Variants in OR3A2 observed in about 807,000 individuals in gnomAD.
The protein encoded by OR3A2 is olfactory receptor family 3 subfamily A member 2.
For synonymous variants in OR3A2, 126 were observed against 159.3 expected (o/e 0.79, Z 1.57); for missense variants, 318 against 392.8 (o/e 0.81, Z 1.61).
intron 2 of OR3A2, among the ~76,000 whole-genome samples, chr17:3,378,928 C>G (rs1489143811): frequency 1.3e-5 from 2 of 152,144 alleles, no homozygotes; most frequent in African/African-American, 4.8e-5. Context: ...TTTATACCCT[C>G]AAACATGAAA....
At chr17:3,351,152 C>T (rs2049416968) in intron 2 of OR3A2, among the ~76,000 whole-genome samples, 1 of 150,678 alleles carries the variant, frequency 6.6e-6, no homozygotes, top group Admixed American at 6.7e-5. Context: ...CTCACCACTC[C>T]TATTCAACAG....
At chr17:3,349,839 A>G (rs2049403817) in intron 2 of OR3A2, among the ~76,000 whole-genome samples, 1 of 152,144 alleles carries the variant, frequency 6.6e-6, no homozygotes, top group South Asian at 2.1e-4. Flanking sequence ...TATCTCTCAG[A>G]CCACAGTGCA....
chr17:3,370,491 T>C (rs1356489260), intron 2 of OR3A2, among the ~76,000 whole-genome samples: 2 of 152,234 alleles, frequency 1.3e-5, no homozygotes, highest in Non-Finnish European at 2.9e-5. Context: ...GTTTCATTTA[T>C]CTTTTGTATT....
chr17:3,359,787 G>T (rs537384887), intron 2 of OR3A2, among the ~76,000 whole-genome samples: 1 of 151,524 alleles, frequency 6.6e-6, no homozygotes, highest in African/African-American at 2.4e-5. Context: ...TCCATGGTGT[G>T]TATGTGCCAC....
intron 2 of OR3A2, among the ~76,000 whole-genome samples, chr17:3,356,557 GA>G (rs1192053238): frequency 6.6e-6 from 1 of 151,304 alleles, no homozygotes; most frequent in Non-Finnish European, 1.5e-5. Context: ...AAACCATGAA[GA>G]AATCCAAAAC....
Position 3,311,365 on chromosome 17 carries a change from C to T in OR3A2, c.-85+24668G>A. On this transcript the variant is annotated intron_variant, in intron 3 of 4. Coordinates refer to the OR3A2 transcript ENST00000573491. The surrounding 1 kb of genome is among the most constrained non-coding windows in gnomAD (Gnocchi z 4.6). The stretch of plus-strand genomic sequence containing the variant: ...AATAGCCATGGCCTATGACCGCTAC[C>T]TGGCTATCTGTCAGCTTCTCACCAA... 1 of 527,104 alleles carries T rather than the reference C, an allele frequency of 1.9e-6. No homozygotes were observed. The highest frequency in any genetic ancestry group is 3.9e-6 in the Non-Finnish European group (1 of 254,396). 32.7% of individuals were successfully genotyped at this position (527,104 alleles called of 1,614,324 possible).
intron 1 of OR3A2, among the ~76,000 whole-genome samples, chr17:3,281,570 C>T (rs375040624): frequency 6.6e-6 from 1 of 152,120 alleles, no homozygotes; most frequent in Non-Finnish European, 1.5e-5. Flanking sequence ...CTGATCACTG[C>T]TGTCTTAGCA....
At chr17:3,372,259 A>G (rs1224723698) in intron 2 of OR3A2, among the ~76,000 whole-genome samples, 2 of 146,356 alleles carry the variant, frequency 1.4e-5, no homozygotes, top group Non-Finnish European at 3.0e-5. Context: ...CACTTCCTAG[A>G]TGGGATGGCG....
At chr17:3,336,792 A>G (rs1473013423) in intron 2 of OR3A2, among the ~76,000 whole-genome samples, 1 of 152,204 alleles carries the variant, frequency 6.6e-6, no homozygotes, top group Non-Finnish European at 1.5e-5. Flanking sequence ...GAAATTGGGT[A>G]TCATTTTTTA....
chr17:3,367,110 G>C (rs1252706102), intron 2 of OR3A2, among the ~76,000 whole-genome samples: 2 of 152,194 alleles, frequency 1.3e-5, no homozygotes, highest in Non-Finnish European at 2.9e-5. Flanking sequence ...TCACAAAATA[G>C]AGTTTGGGAA....
intron 3 of OR3A2, among the ~76,000 whole-genome samples, chr17:3,329,131 T>A (rs1174049118): frequency 6.6e-6 from 1 of 151,880 alleles, no homozygotes; most frequent in African/African-American, 2.4e-5. Context: ...TATTGAGGAT[T>A]TTTGCATCAA....
At chr17:3,362,209 T>C (rs2049524103) in intron 2 of OR3A2, among the ~76,000 whole-genome samples, 1 of 151,780 alleles carries the variant, frequency 6.6e-6, no homozygotes, top group East Asian at 1.9e-4. Flanking sequence ...TGCGTAGAGA[T>C]GTTTATAGTA....
At chr17:3,335,002 T>C (rs959184680) in intron 3 of OR3A2, among the ~76,000 whole-genome samples, 3 of 152,216 alleles carry the variant, frequency 2.0e-5, no homozygotes, top group African/African-American at 7.2e-5. Context: ...ACATCACAAG[T>C]ACTAACTAGT....
At chr17:3,376,814 C>A (rs1203817460) in intron 2 of OR3A2, among the ~76,000 whole-genome samples, 2 of 151,956 alleles carry the variant, frequency 1.3e-5, no homozygotes, top group African/African-American at 4.8e-5. Context: ...CCCAATTCTG[C>A]TGGCTGCCTT....
chr17:3,311,321 G>C lies in OR3A2; in HGVS notation c.-85+24712C>G, dbSNP rs1213349298. 5.6e-6 allele frequency: 3 copies of C among 534,682 alleles called. No individual in the cohort carries two copies. The African/African-American group carries it at 5.8e-5, about 10-fold the overall frequency. The allele number at this position is 534,682 out of a possible 1,614,324, so 33.1% of individuals were successfully genotyped here. A position where few individuals can be genotyped will look rare whatever the true frequency, so the allele number is the denominator to read the frequency against. The stretch of plus-strand genomic sequence containing the variant: ...CTCTTCTTTCCCCACCTCCTGGCTG[G>C]GGTGGACTGTCACCTCTTAATAGCC... On this transcript the variant is annotated intron_variant, in intron 3 of 4. Transcript: ENST00000573491. The surrounding 1 kb of genome is among the most constrained non-coding windows in gnomAD (Gnocchi z 4.6).
intron 3 of OR3A2, among the ~76,000 whole-genome samples, chr17:3,308,690 T>C (rs1033063131): frequency 6.6e-6 from 1 of 152,138 alleles, no homozygotes; most frequent in Admixed American, 6.5e-5. Context: ...TAAGAGCATG[T>C]CCATGCAGAA....
At chr17:3,375,747 G>A (rs1045383875) in intron 2 of OR3A2, among the ~76,000 whole-genome samples, 2 of 152,152 alleles carry the variant, frequency 1.3e-5, no homozygotes, top group African/African-American at 4.8e-5. Context: ...GAAAAATCTG[G>A]AACTCAAGGG....
chr17:3,313,221 T>C (rs1049818154), intron 3 of OR3A2, among the ~76,000 whole-genome samples: 3 of 152,216 alleles, frequency 2.0e-5, no homozygotes, highest in Admixed American at 1.3e-4. Context: ...AAGTTGGAAG[T>C]TGAAGACTCA....
At chr17:3,350,932 C>A (rs1004762027) in intron 2 of OR3A2, among the ~76,000 whole-genome samples, 12 of 151,056 alleles carry the variant, frequency 7.9e-5, no homozygotes, top group Admixed American at 7.3e-4. Flanking sequence ...AAGACAAAAA[C>A]CACATGATTA....
Sources: gnomAD v4.1 joint callset for allele counts (sites outside exome capture counted in the v4.1 genomes callset) on GRCh38, gnomAD v4.1.1 for gene constraint, Gnocchi (gnomAD v3.1) non-coding constraint, MANE v1.5 for transcripts, NCBI Gene and HGNC (gene_info 2026-07-23, HGNC 2026-07-21) for gene names.